Variants in PPP1R9A observed in about 807,000 individuals in gnomAD.
PPP1R9A encodes the protein neurabin-1.
Under a neutral mutation model 141.9 loss-of-function variants are expected in PPP1R9A, and 59 were observed. The ratio of observed to expected loss-of-function variants is 0.42; its 90% CI spans 0.34 to 0.52. The LOEUF is 0.52. Ranked by LOEUF, PPP1R9A falls within the 20% of genes least tolerant of loss-of-function variation. The probability of loss-of-function intolerance (pLI) is 0.10; values close to 1 mark genes in which losing one functional copy is unlikely to be tolerated. For missense variants in PPP1R9A, 1,444 were observed against 1,611.9 expected (o/e 0.90, Z 1.78); for synonymous variants, 500 against 569.7 (o/e 0.88, Z 1.74).
intron 2 of PPP1R9A, among the ~76,000 whole-genome samples, chr7:95,038,093 C>T (rs1364083261): frequency 1.3e-5 from 2 of 149,878 alleles, no homozygotes; most frequent in South Asian, 2.1e-4. Flanking sequence ...GCCTGGGTGA[C>T]AGAACAAGAC....
chr7:95,211,195 C>G (rs1257270581), intron 7 of PPP1R9A, among the ~76,000 whole-genome samples: 1 of 151,658 alleles, frequency 6.6e-6, no homozygotes, highest in African/African-American at 2.4e-5. Flanking sequence ...AATGTCTGAC[C>G]CATGGACAGA....
At chr7:95,188,660 G>A (rs1474892446) in intron 5 of PPP1R9A, among the ~76,000 whole-genome samples, 2 of 149,494 alleles carry the variant, frequency 1.3e-5, no homozygotes, top group African/African-American at 4.9e-5. Flanking sequence ...GTGCAGTGGT[G>A]CAATCTCGGC....
chr7:95,014,371 A>T (rs1429214584), intron 2 of PPP1R9A, among the ~76,000 whole-genome samples: 1 of 152,040 alleles, frequency 6.6e-6, no homozygotes, highest in African/African-American at 2.4e-5. Context: ...TAAAATATTC[A>T]TAAGCTTGGG....
In PPP1R9A at chr7:94,910,359, A is replaced by G; in HGVS notation, c.246A>G (p.Ala82=). 1 of 1,614,206 alleles carries G rather than the reference A, an allele frequency of 6.2e-7. No individual in the cohort carries two copies. Among genetic ancestry groups the G allele is most frequent in the Non-Finnish European group, 8.5e-7 (1 of 1,180,036 alleles). The part of the protein sequence containing the change: ...QMGMEPNENA[A]VIAKTRGKGG... ...GTATGGAACCCAACGAGAATGCTGC[A>G]GTCATTGCCAAAACAAGGGGGAAAG... Residue 82 remains alanine (A), a synonymous_variant, in exon 2 of 20, where the codon GCA becomes GCG. Transcript: ENST00000433360. The surrounding 1 kb of genome is among the most constrained non-coding windows in gnomAD (Gnocchi z 4.5).
At chr7:95,124,138 A>T (rs186310409) in intron 4 of PPP1R9A, among the ~76,000 whole-genome samples, 151 of 152,258 alleles carry the variant, frequency 9.9e-4, no homozygotes, top group African/African-American at 3.2e-3. Context: ...CTTTTAAATT[A>T]TTATTTCCAC....
intron 5 of PPP1R9A, among the ~76,000 whole-genome samples, chr7:95,187,723 A>C (rs1425570994): frequency 6.6e-6 from 1 of 152,138 alleles, no homozygotes; most frequent in Non-Finnish European, 1.5e-5. Context: ...GTTTAGTTCA[A>C]AGAATGTTTA....
At chr7:95,204,606 A>G (rs145679504) in intron 7 of PPP1R9A, among the ~76,000 whole-genome samples, 1 of 150,944 alleles carries the variant, frequency 6.6e-6, no homozygotes, top group East Asian at 2.0e-4. Flanking sequence ...ACACACACAC[A>G]CCACACACAC....
At chr7:94,984,404 T>C (rs1800532728) in intron 2 of PPP1R9A, among the ~76,000 whole-genome samples, 1 of 152,190 alleles carries the variant, frequency 6.6e-6, no homozygotes, top group African/African-American at 2.4e-5. Context: ...TCAAAAGGAA[T>C]GGGACCAGCT....
intron 12 of PPP1R9A, among the ~76,000 whole-genome samples, chr7:95,261,040 A>G (rs1193821173): frequency 6.6e-6 from 1 of 152,320 alleles, no homozygotes; most frequent in East Asian, 1.9e-4. Context: ...CTATGCTAAG[A>G]TAAAATTGAC....
chr7:95,120,435 G>A (rs952639136), intron 3 of PPP1R9A, among the ~76,000 whole-genome samples: 3 of 152,236 alleles, frequency 2.0e-5, no homozygotes, highest in African/African-American at 7.2e-5. Flanking sequence ...TTAAGGCAGA[G>A]TGACTATTCA....
rs551210281 is a variant in PPP1R9A at position 95,275,225 on chromosome 7, T to C, written c.3296+1057T>C. ...GAGTTTGAGACCAGCCCGGCCAACA[T>C]GGCGAAACCCCGTCTCTACCAAAAA... On this transcript the variant is annotated intron_variant, in intron 16 of 19. Coordinates refer to ENST00000433360, the MANE Select transcript of PPP1R9A (RefSeq NM_001166160.2). 5.6e-4 allele frequency among the ~76,000 whole-genome samples: 85 copies of C among 152,090 alleles called. 1 individual carries two copies. Among genetic ancestry groups the C allele is most frequent in the Non-Finnish European group, 7.4e-4 (50 of 67,970 alleles).
chr7:95,269,121 A>G (rs952150852), intron 13 of PPP1R9A, 86 bp from the exon 14 acceptor site: 2 of 1,299,594 alleles, frequency 1.5e-6, no homozygotes, highest in African/African-American at 1.5e-5. Context: ...ATTCACTAAT[A>G]AAAGGTTGGT....
chr7:95,275,181 G>T (rs1037467374), intron 16 of PPP1R9A, among the ~76,000 whole-genome samples: 2 of 152,158 alleles, frequency 1.3e-5, no homozygotes, highest in Admixed American at 6.5e-5. Context: ...GCCAAGGCGG[G>T]TGGATCACCT....
chr7:94,931,889 C>A (rs1794207438), intron 2 of PPP1R9A, among the ~76,000 whole-genome samples: 1 of 152,110 alleles, frequency 6.6e-6, no homozygotes, highest in African/African-American at 2.4e-5. Context: ...ACTGTGGATT[C>A]TTAAAATACA....
chr7:94,928,474 T>C (rs1793754876), intron 2 of PPP1R9A, among the ~76,000 whole-genome samples: 1 of 152,212 alleles, frequency 6.6e-6, no homozygotes, highest in Non-Finnish European at 1.5e-5. Context: ...CAGTAAACAT[T>C]TATCCTAGAA....
intron 8 of PPP1R9A, among the ~76,000 whole-genome samples, chr7:95,238,196 A>G (rs1796968918): frequency 6.6e-6 from 1 of 152,140 alleles, no homozygotes; most frequent in Non-Finnish European, 1.5e-5. Context: ...TGTACTTTTT[A>G]CAAAATAATT....
At chr7:94,994,211 G>A (rs947680275) in intron 2 of PPP1R9A, among the ~76,000 whole-genome samples, 1 of 152,106 alleles carries the variant, frequency 6.6e-6, no homozygotes, top group African/African-American at 2.4e-5. Context: ...GATCATAGAG[G>A]AAACTTAGAA....
intron 2 of PPP1R9A, among the ~76,000 whole-genome samples, chr7:95,014,770 T>C (rs190458742): frequency 1.3e-5 from 2 of 152,218 alleles, no homozygotes; most frequent in East Asian, 3.9e-4. Context: ...CACTTCCGTA[T>C]TTACTAATTG....
At chr7:95,233,549 C>T (rs1359110893) in intron 8 of PPP1R9A, among the ~76,000 whole-genome samples, 2 of 151,894 alleles carry the variant, frequency 1.3e-5, no homozygotes, top group South Asian at 2.1e-4. Context: ...AAATTGCCAA[C>T]AAAAATAGTC....
Sources: allele counts gnomAD v4.1 joint callset (sites outside exome capture counted in the v4.1 genomes callset), GRCh38; gene constraint gnomAD v4.1.1; non-coding constraint Gnocchi (gnomAD v3.1); transcripts MANE v1.5; gene names NCBI Gene and HGNC (gene_info 2026-07-23, HGNC 2026-07-21).